DLGAP2: variants seen among roughly 807,000 people sequenced by gnomAD.
DLGAP2 encodes DLG associated protein 2, also known as disks large-associated protein 2.
Under a neutral mutation model 100.3 loss-of-function variants are expected in DLGAP2, and 26 were observed. That is an observed-to-expected ratio of 0.26 (90% CI 0.19 to 0.36). DLGAP2 has a LOEUF of 0.36. Ranked by LOEUF, DLGAP2 falls within the 10% of genes least tolerant of loss-of-function variation. DLGAP2 has a pLI of 1.00. For synonymous variants in DLGAP2, 886 were observed against 630.1 expected (o/e 1.41, Z -6.08); for missense variants, 1,858 against 1,453.2 (o/e 1.28, Z -4.53).
intron 12 of DLGAP2, among the ~76,000 whole-genome samples, chr8:1,685,105 G>A (rs534074061): frequency 6.6e-6 from 1 of 151,374 alleles, no homozygotes; most frequent in Non-Finnish European, 1.5e-5. Context: ...GTGTGACTTT[G>A]TATCTCCTGG....
chr8:1,512,309 C>T (rs961551496), intron 4 of DLGAP2, among the ~76,000 whole-genome samples: 5 of 152,230 alleles, frequency 3.3e-5, no homozygotes, highest in African/African-American at 1.2e-4. Context: ...TTACACTTAC[C>T]TTGACAACAT....
chr8:867,295 CA>C (rs1478767533), intron 1 of DLGAP2, among the ~76,000 whole-genome samples: 2 of 152,212 alleles, frequency 1.3e-5, no homozygotes, highest in Non-Finnish European at 2.9e-5. Flanking sequence ...ATGTTGAACT[CA>C]AGTATGTATA....
intron 3 of DLGAP2, among the ~76,000 whole-genome samples, chr8:1,417,534 A>G (rs1796936948): frequency 6.6e-6 from 1 of 151,744 alleles, no homozygotes; most frequent in Non-Finnish European, 1.5e-5. Context: ...CACAGGTGTG[A>G]ATGCAATGGG....
At chr8:938,902 G>A (rs1256063030) in intron 2 of DLGAP2, among the ~76,000 whole-genome samples, 1 of 152,266 alleles carries the variant, frequency 6.6e-6, no homozygotes, top group Non-Finnish European at 1.5e-5. Flanking sequence ...TAAGCCCCGA[G>A]GAAGAGTGTG....
At chr8:1,368,199 C>T (rs1042816398) in intron 3 of DLGAP2, among the ~76,000 whole-genome samples, 5 of 151,548 alleles carry the variant, frequency 3.3e-5, no homozygotes, top group African/African-American at 7.3e-5. Context: ...CGTGTGTGTA[C>T]GTGTGTGTCC....
chr8:1,656,613 A>G (rs1410637632), intron 8 of DLGAP2, among the ~76,000 whole-genome samples: 1 of 152,218 alleles, frequency 6.6e-6, no homozygotes, highest in Non-Finnish European at 1.5e-5. Context: ...GTCAGTTTTT[A>G]CACACCTCTT....
intron 1 of DLGAP2, among the ~76,000 whole-genome samples, chr8:807,673 T>G (rs1048812782): frequency 5.3e-5 from 8 of 152,210 alleles, no homozygotes; most frequent in Non-Finnish European, 8.8e-5. Context: ...CTTCATTTTA[T>G]TCTTGATAGA....
chr8:1,084,529 C>T (rs891208081), intron 2 of DLGAP2, among the ~76,000 whole-genome samples: 3 of 152,152 alleles, frequency 2.0e-5, no homozygotes, highest in African/African-American at 7.2e-5. Context: ...ACCATTTCTC[C>T]CTCCCCACAT....
chr8:1,267,615 AGATAAGATAAATATTAAATAGG>A lies in DLGAP2; in HGVS notation c.106+8733_106+8754del, dbSNP rs1799490385. On this transcript the variant is annotated intron_variant, in intron 3 of 14. Coordinates refer to ENST00000637795, the MANE Select transcript of DLGAP2 (RefSeq NM_001346810.2). The stretch of plus-strand genomic sequence containing the variant: ...AGATAAGATAAGATAAGATAAGATA[AGATAAGATAAATATTAAATAGG>A]TCTACAAAAAGGCCTCCAGGGTCAG... Among the ~76,000 whole-genome samples the A allele has an allele frequency of 4.1e-4, 50 of 121,196 alleles. 1 individual carries two copies. The highest frequency in any genetic ancestry group is 1.8e-3 in the African/African-American group (46 of 26,144). The allele number at this position is 121,196 out of a possible 152,430, so 79.5% of individuals were successfully genotyped here. A position where few individuals can be genotyped will look rare whatever the true frequency, so the allele number is the denominator to read the frequency against.
intron 3 of DLGAP2, among the ~76,000 whole-genome samples, chr8:1,457,497 A>T (rs966502533): frequency 6.6e-6 from 1 of 152,244 alleles, no homozygotes; most frequent in African/African-American, 2.4e-5. Flanking sequence ...CTAGTAGCCC[A>T]GAAATCTACT....
chr8:811,964 A>G (rs1399901633), intron 1 of DLGAP2, among the ~76,000 whole-genome samples: 1 of 152,238 alleles, frequency 6.6e-6, no homozygotes, highest in Non-Finnish European at 1.5e-5. Context: ...GTCAAACACG[A>G]CATGATTGGC....
At chr8:1,094,588 C>T (rs929664546) in intron 2 of DLGAP2, among the ~76,000 whole-genome samples, 7 of 152,204 alleles carry the variant, frequency 4.6e-5, no homozygotes, top group South Asian at 2.1e-4. Context: ...ATGGCGACAG[C>T]GACGAGCTGC....
At chr8:1,317,097 A>T (rs867511379) in intron 3 of DLGAP2, among the ~76,000 whole-genome samples, 2 of 137,578 alleles carry the variant, frequency 1.5e-5, no homozygotes, top group African/African-American at 5.8e-5. Context: ...GGCAGCGTTT[A>T]AAAATAGAGC....
chr8:1,318,723 C>T (rs12547482), intron 3 of DLGAP2, among the ~76,000 whole-genome samples: 73 of 151,426 alleles, frequency 4.8e-4, no homozygotes, highest in African/African-American at 1.5e-3. Flanking sequence ...GGTTCCTATT[C>T]GTACTTAATA....
chr8:956,548 G>A (rs1443689179), intron 2 of DLGAP2, among the ~76,000 whole-genome samples: 4 of 152,160 alleles, frequency 2.6e-5, no homozygotes. Flanking sequence ...TTTTCTGAAG[G>A]ACCAGGGCAG....
At chr8:1,021,641 A>G (rs1421224357) in intron 2 of DLGAP2, among the ~76,000 whole-genome samples, 1 of 152,208 alleles carries the variant, frequency 6.6e-6, no homozygotes, top group African/African-American at 2.4e-5. Context: ...CACTAAGTTA[A>G]TAAGAACTCA....
chr8:741,790 G>A (rs1237512112), intron 1 of DLGAP2, among the ~76,000 whole-genome samples: 1 of 152,206 alleles, frequency 6.6e-6, no homozygotes. Flanking sequence ...GCTCCTGACT[G>A]GCCGGAGCCC....
chr8:912,017 G>A (rs1028241832), intron 2 of DLGAP2, among the ~76,000 whole-genome samples: 1 of 152,134 alleles, frequency 6.6e-6, no homozygotes, highest in Non-Finnish European at 1.5e-5. Flanking sequence ...CTTTTCTTTA[G>A]GCTGCACAAT....
chr8:1,473,687 A>G (rs991647784), intron 3 of DLGAP2, among the ~76,000 whole-genome samples: 2 of 152,150 alleles, frequency 1.3e-5, no homozygotes, highest in African/African-American at 4.8e-5. Context: ...GGCAGCTCCC[A>G]TAATCTCCAC....
Sources: allele counts gnomAD v4.1 joint callset (sites outside exome capture counted in the v4.1 genomes callset), GRCh38; gene constraint gnomAD v4.1.1; transcripts MANE v1.5; gene names NCBI Gene and HGNC (gene_info 2026-07-23, HGNC 2026-07-21).